The following GRID2 variants were observed in gnomAD, a reference collection of about 807,000 sequenced individuals.
GRID2 encodes the protein glutamate receptor ionotropic, delta-2.
A neutral mutation model predicts 114.8 loss-of-function variants in GRID2; 33 were observed. The observed-to-expected ratio is 0.29, with a 90% CI of 0.22 to 0.38. The LOEUF (loss-of-function observed/expected upper bound fraction) is 0.38, where lower values mean the gene tolerates loss of function less well. GRID2 is among the 10% of genes least tolerant of loss of function. The pLI is 1.00. For synonymous variants in GRID2, 505 were observed against 449.9 expected (o/e 1.12, Z -1.55); for missense variants, 1,184 against 1,257.7 (o/e 0.94, Z 0.89).
chr4:92,900,117 G>A (rs78486935), intron 2 of GRID2, among the ~76,000 whole-genome samples: 2,635 of 152,200 alleles, frequency 0.017, 29 homozygotes, highest in East Asian at 0.052. Context: ...AATATGAAAG[G>A]TCATTGTCAA....
chr4:92,966,036 G>A (rs1480861590), intron 2 of GRID2, among the ~76,000 whole-genome samples: 2 of 151,890 alleles, frequency 1.3e-5, no homozygotes, highest in African/African-American at 2.4e-5. Context: ...AGATTATGTG[G>A]CAGATTCAGG....
chr4:93,186,372 G>A (rs188503972), intron 4 of GRID2, among the ~76,000 whole-genome samples: 17 of 152,172 alleles, frequency 1.1e-4, no homozygotes, highest in Admixed American at 5.2e-4. Flanking sequence ...GTGTAAAAGC[G>A]TTCCTATTTC....
intron 3 of GRID2, among the ~76,000 whole-genome samples, chr4:93,102,191 C>T (rs569751033): frequency 5.3e-5 from 8 of 152,184 alleles, no homozygotes; most frequent in Non-Finnish European, 1.2e-4. Flanking sequence ...GTTACTTTCA[C>T]ACTAGACATG....
chr4:93,364,079 G>A (rs1442655400), intron 8 of GRID2, among the ~76,000 whole-genome samples: 1 of 151,918 alleles, frequency 6.6e-6, no homozygotes, highest in African/African-American at 2.4e-5. Context: ...TTTTTCTCAT[G>A]AATAACAATT....
At chr4:93,547,240 TA>T (rs1443465860) in intron 13 of GRID2, among the ~76,000 whole-genome samples, 1 of 152,142 alleles carries the variant, frequency 6.6e-6, no homozygotes, top group Non-Finnish European at 1.5e-5. Flanking sequence ...ATTACAAAAA[TA>T]TTTTTTTCCT....
chr4:92,631,796 T>G (rs1398133681), intron 2 of GRID2, among the ~76,000 whole-genome samples: 2 of 152,174 alleles, frequency 1.3e-5, no homozygotes, highest in Admixed American at 6.5e-5. Context: ...TCCAAAACTC[T>G]GATATCTACA....
chr4:92,679,658 A>C (rs1194842366), intron 2 of GRID2, among the ~76,000 whole-genome samples: 1 of 152,040 alleles, frequency 6.6e-6, no homozygotes, highest in Non-Finnish European at 1.5e-5. Flanking sequence ...TTTATAAACT[A>C]GCACTTGTTT....
chr4:93,463,188 T>C (rs1461633653), intron 11 of GRID2, among the ~76,000 whole-genome samples: 3 of 152,074 alleles, frequency 2.0e-5, no homozygotes, highest in Non-Finnish European at 4.4e-5. Flanking sequence ...GCACAATTCT[T>C]CACAACTAAT....
intron 2 of GRID2, among the ~76,000 whole-genome samples, chr4:93,046,136 C>T (rs1389299002): frequency 6.6e-6 from 1 of 152,056 alleles, no homozygotes; most frequent in East Asian, 1.9e-4. Flanking sequence ...CATTTATTTT[C>T]AGGAACTTTA....
At chr4:93,670,621 G>A (rs1011622785) in intron 14 of GRID2, among the ~76,000 whole-genome samples, 1 of 152,190 alleles carries the variant, frequency 6.6e-6, no homozygotes, top group East Asian at 1.9e-4. Context: ...GTTTAGAGGG[G>A]TCCTACGGTG....
At chr4:93,788,652 T>C (rs1734639508) in intron 1 of GRID2, among the ~76,000 whole-genome samples, 1 of 152,210 alleles carries the variant, frequency 6.6e-6, no homozygotes, top group South Asian at 2.1e-4. Context: ...GGCAATATAA[T>C]GTTGAGTAAC....
chr4:92,380,159 T>C (rs1405683795), intron 1 of GRID2, among the ~76,000 whole-genome samples: 2 of 151,904 alleles, frequency 1.3e-5, no homozygotes, highest in Non-Finnish European at 2.9e-5. Context: ...TTACTTTTTT[T>C]TTGTATCACT....
At chr4:93,245,267 C>G (rs1748071415) in intron 8 of GRID2, among the ~76,000 whole-genome samples, 2 of 151,966 alleles carry the variant, frequency 1.3e-5, no homozygotes, top group African/African-American at 2.4e-5. Flanking sequence ...ATGTAAGAAT[C>G]CATAAGATTC....
intron 2 of GRID2, among the ~76,000 whole-genome samples, chr4:93,013,661 C>T (rs1722405285): frequency 1.3e-5 from 2 of 151,938 alleles, no homozygotes; most frequent in South Asian, 4.1e-4. Context: ...CTAATTCATA[C>T]TTTGTGACTC....
At chr4:93,119,677 C>A (rs934692305) in intron 4 of GRID2, among the ~76,000 whole-genome samples, 32 of 152,056 alleles carry the variant, frequency 2.1e-4, no homozygotes, top group African/African-American at 7.7e-4. Context: ...GTACTATACC[C>A]TAGGTTCATT....
intron 2 of GRID2, among the ~76,000 whole-genome samples, chr4:92,712,960 T>C (rs1199440858): frequency 6.6e-6 from 1 of 152,062 alleles, no homozygotes; most frequent in Non-Finnish European, 1.5e-5. Context: ...ATTGATGATA[T>C]TTTGGATTTG....
intron 2 of GRID2, among the ~76,000 whole-genome samples, chr4:93,059,050 T>A (rs538077918): frequency 2.3e-3 from 355 of 152,104 alleles, no homozygotes; most frequent in Non-Finnish European, 3.7e-3. Flanking sequence ...AAAAAGTAAA[T>A]TCTATCTCTA....
At chr4:93,113,765 C>T (rs933426056) in intron 4 of GRID2, among the ~76,000 whole-genome samples, 7 of 152,118 alleles carry the variant, frequency 4.6e-5, no homozygotes, top group Non-Finnish European at 1.0e-4. Flanking sequence ...GAGGAAGGAG[C>T]TTGTTATAGA....
chr4:93,661,175 A>G (rs1251482738), intron 14 of GRID2, among the ~76,000 whole-genome samples: 1 of 152,318 alleles, frequency 6.6e-6, no homozygotes, highest in Non-Finnish European at 1.5e-5. Context: ...TTACTCACTG[A>G]AAGTAATTTG....
Sources: gnomAD v4.1 joint callset for allele counts (sites outside exome capture counted in the v4.1 genomes callset) on GRCh38, gnomAD v4.1.1 for gene constraint, MANE v1.5 for transcripts, NCBI Gene and HGNC (gene_info 2026-07-23, HGNC 2026-07-21) for gene names.